Variants in FARSB observed in about 807,000 individuals in gnomAD.
The protein encoded by FARSB is phenylalanine--tRNA ligase beta subunit.
Under a neutral mutation model 69.6 loss-of-function variants are expected in FARSB, and 40 were observed. That is an observed-to-expected ratio of 0.57 (90% CI 0.45 to 0.75). The LOEUF (loss-of-function observed/expected upper bound fraction) is 0.75, where lower values mean the gene tolerates loss of function less well. FARSB is among the 30% of genes least tolerant of loss of function. FARSB has a pLI of 0.00. For missense variants in FARSB, 632 were observed against 722.9 expected, an observed-to-expected ratio of 0.87 and a Z score of 1.44; for synonymous variants, 235 against 247.2, an observed-to-expected ratio of 0.95 and a Z score of 0.46.
At chr2:222,601,316 C>A (rs1375009992) in intron 15 of FARSB, among the ~76,000 whole-genome samples, 1 of 151,980 alleles carries the variant, frequency 6.6e-6, no homozygotes, top group East Asian at 1.9e-4. Context: ...AAGAATAGGG[C>A]CAGGCAAAAC....
intron 5 of FARSB, among the ~76,000 whole-genome samples, chr2:222,638,178 T>C (rs1202483376): frequency 6.6e-6 from 1 of 152,152 alleles, no homozygotes; most frequent in South Asian, 2.1e-4. Context: ...TATCGATATA[T>C]CCCTTGAAAT....
At chr2:222,582,492 C>T (rs1335289138) in intron 16 of FARSB, among the ~76,000 whole-genome samples, 1 of 152,034 alleles carries the variant, frequency 6.6e-6, no homozygotes, top group Non-Finnish European at 1.5e-5. Flanking sequence ...TCTCTACGTC[C>T]CTTATTTATA....
intron 16 of FARSB, among the ~76,000 whole-genome samples, chr2:222,577,877 G>A (rs1224880666): frequency 2.0e-5 from 3 of 152,158 alleles, no homozygotes; most frequent in Admixed American, 6.5e-5. Context: ...CTCGGGAAAC[G>A]TTGAGATCTA....
intron 16 of FARSB, among the ~76,000 whole-genome samples, chr2:222,588,630 C>T (rs62188510): frequency 0.12 from 18,468 of 152,156 alleles, 1,475 homozygotes; most frequent in Middle Eastern, 0.3. Flanking sequence ...CAGCCCAAAA[C>T]CTCCTTAAGC....
chr2:222,654,552 T>G (rs572691874), intron 1 of FARSB, among the ~76,000 whole-genome samples: 2 of 152,252 alleles, frequency 1.3e-5, no homozygotes, highest in African/African-American at 4.8e-5. Context: ...GAGAATATGG[T>G]TTAGAAGGGC....
rs1689713003 is a variant in FARSB at position 222,571,392 on chromosome 2, T to C, written c.*479A>G. ...ATTCTTAAACGTTTTCTAAAAATAT[T>C]GTTATTTTAGTGTTTCTCAATGATG... On this transcript the variant is annotated 3_prime_UTR_variant, in exon 17 of 17. Transcript: ENST00000281828. The C allele has an allele frequency of 6.6e-6, 1 of 152,314 alleles. No homozygotes were observed. Among genetic ancestry groups the C allele is most frequent in the South Asian group, 2.1e-4 (1 of 4,826 alleles). The allele number at this position is 152,314 out of a possible 1,614,324, so 9.4% of individuals were successfully genotyped here.
intron 15 of FARSB, among the ~76,000 whole-genome samples, chr2:222,605,222 T>C (rs928126987): frequency 6.6e-6 from 1 of 151,282 alleles, no homozygotes; most frequent in Non-Finnish European, 1.5e-5. Flanking sequence ...ATTCTCTCCC[T>C]CTGAAGGGAA....
chr2:222,649,526 C>G (rs749708501), intron 1 of FARSB, among the ~76,000 whole-genome samples: 2 of 152,226 alleles, frequency 1.3e-5, no homozygotes, highest in South Asian at 4.1e-4. Context: ...CCAAGTCAAT[C>G]AGAGTTTGAA....
chr2:222,586,068 C>T (rs1039510252), intron 16 of FARSB, among the ~76,000 whole-genome samples: 2 of 152,146 alleles, frequency 1.3e-5, no homozygotes, highest in Non-Finnish European at 2.9e-5. Flanking sequence ...TTGTCAGATT[C>T]ACCAAGGGTG....
chr2:222,574,842 G>A (rs1476979459), intron 16 of FARSB, among the ~76,000 whole-genome samples: 3 of 152,148 alleles, frequency 2.0e-5, no homozygotes, highest in Admixed American at 1.3e-4. Flanking sequence ...TAAGTGGTAC[G>A]CACATAAAAG....
intron 5 of FARSB, among the ~76,000 whole-genome samples, chr2:222,636,385 C>CAAAAAAAAA (rs34295305): frequency 1.0e-5 from 1 of 96,708 alleles, no homozygotes; most frequent in African/African-American, 3.7e-5. Flanking sequence ...GACTCTATCT[C>CAAAAAAAAA]AAAAAAAAAA....
intron 10 of FARSB, among the ~76,000 whole-genome samples, chr2:222,626,730 A>G (rs953037060): frequency 1.6e-4 from 25 of 152,136 alleles, no homozygotes; most frequent in Non-Finnish European, 1.5e-4. Flanking sequence ...TTAACACTTG[A>G]CAAATCATCA....
intron 15 of FARSB, among the ~76,000 whole-genome samples, chr2:222,603,272 T>G (rs1690611621): frequency 6.6e-6 from 1 of 152,186 alleles, no homozygotes; most frequent in Admixed American, 6.5e-5. Context: ...GAGCAAAACT[T>G]CTTCCACGGA....
chr2:222,610,834 T>A (rs1417139902), intron 15 of FARSB, among the ~76,000 whole-genome samples: 2 of 152,340 alleles, frequency 1.3e-5, no homozygotes. Flanking sequence ...ATGAGAAAGC[T>A]GAGCCACAGA....
rs564471238 is a variant in FARSB at position 222,654,851 on chromosome 2, CA to C, written c.58+1164del. Among the ~76,000 whole-genome samples the C allele has an allele frequency of 2.4e-3, 369 of 151,714 alleles. 1 individual carries two copies. The highest frequency in any genetic ancestry group is 8.2e-3 in the African/African-American group (341 of 41,408). On this transcript the variant is annotated intron_variant, in intron 1 of 16. Coordinates refer to ENST00000281828, the MANE Select transcript of FARSB (RefSeq NM_005687.5). Reference sequence around the variant, plus strand: ...TTGTTAACACACTGAGCCCTAAAAACAAAAAAAACAGCTCTCACGAACCAGT... The same window carrying C: ...TTGTTAACACACTGAGCCCTAAAAACAAAAAAACAGCTCTCACGAACCAGT...
chr2:222,595,940 C>G (rs1053297222), intron 16 of FARSB, among the ~76,000 whole-genome samples: 1 of 140,562 alleles, frequency 7.1e-6, no homozygotes, highest in Admixed American at 7.3e-5. Context: ...ATATATATGC[C>G]ATAATAATCT....
chr2:222,620,452 A>C (rs915754556), intron 13 of FARSB, among the ~76,000 whole-genome samples: 7 of 152,260 alleles, frequency 4.6e-5, no homozygotes, highest in Non-Finnish European at 8.8e-5. Context: ...ACTGCTGAGT[A>C]CCCACCAATC....
intron 16 of FARSB, among the ~76,000 whole-genome samples, chr2:222,585,679 A>G (rs755865759): frequency 4.6e-5 from 7 of 152,200 alleles, no homozygotes; most frequent in Admixed American, 6.5e-5. Flanking sequence ...ACCTTAAATG[A>G]CCTGATGGAG....
intron 15 of FARSB, among the ~76,000 whole-genome samples, chr2:222,602,431 T>C (rs994467615): frequency 6.6e-6 from 1 of 152,152 alleles, no homozygotes; most frequent in Non-Finnish European, 1.5e-5. Context: ...GGGAGACTAC[T>C]AGATATTAAA....
Sources: allele counts gnomAD v4.1 joint callset (sites outside exome capture counted in the v4.1 genomes callset), GRCh38; gene constraint gnomAD v4.1.1; transcripts MANE v1.5; gene names NCBI Gene and HGNC (gene_info 2026-07-23, HGNC 2026-07-21).